Variants in RYR2 observed in about 807,000 individuals in gnomAD.
RYR2 encodes cardiac muscle ryanodine receptor-calcium release channel.
In RYR2, 227 loss-of-function variants were observed where a neutral mutation model predicts 601.1. The ratio of observed to expected loss-of-function variants is 0.38; its 90% CI spans 0.34 to 0.42. The LOEUF (loss-of-function observed/expected upper bound fraction) is 0.42. Ranked by LOEUF, RYR2 falls within the 10% of genes least tolerant of loss-of-function variation. The pLI is 1.00. For missense variants in RYR2, 4,646 were observed against 6,156.5 expected (o/e 0.75, Z 8.21); for synonymous variants, 2,223 against 2,175.1 (o/e 1.02, Z -0.61).
chr1:237,798,032 C>T lies in RYR2; in HGVS notation c.13957-5C>T. ...CCAACAAAATGCTTTTTCTCATACC[C>T]CAAGGTTATGGATAAATATGGAGAG... On this transcript the variant is annotated splice_region_variant and splice_polypyrimidine_tract_variant and intron_variant, in intron 96 of 104. Transcript: ENST00000366574. 2 of 1,607,270 alleles carry T rather than the reference C, an allele frequency of 1.2e-6. No individual in the cohort carries two copies. The highest frequency in any genetic ancestry group is 1.1e-5 in the South Asian group (1 of 89,410).
At chr1:237,373,283 T>G (rs991946920) in intron 6 of RYR2, among the ~76,000 whole-genome samples, 2 of 152,166 alleles carry the variant, frequency 1.3e-5, no homozygotes, top group African/African-American at 4.8e-5. Flanking sequence ...TGGGAGCCAT[T>G]TCTTTGTAGT....
Position 237,222,593 on chromosome 1 carries a change from G to A in RYR2, c.49-47904G>A, listed in dbSNP as rs548480158. ...TTTTTCCCTATATTTTTGATAGTAC[G>A]CTGGAAAGAAATGTCTGTCTGTCTT... On this transcript the variant is annotated intron_variant, in intron 1 of 104. Coordinates refer to ENST00000366574, the MANE Select transcript of RYR2 (RefSeq NM_001035.3). 3.7e-4 allele frequency among the ~76,000 whole-genome samples: 56 copies of A among 151,994 alleles called. No homozygotes were observed. In the South Asian group the frequency reaches 0.012, roughly 32 times the overall value.
chr1:237,400,244 G>A lies in RYR2; in HGVS notation c.773+12061G>A, dbSNP rs955311748. Among the ~76,000 whole-genome samples the A allele has an allele frequency of 5.9e-5, 9 of 152,226 alleles. No homozygotes were observed. The East Asian group carries it at 1.5e-3, about 26-fold the overall frequency. ...ACCAGAGTGATCTCAATTTTTTAAG[G>A]CATTCATAGAGACTGGACAAAGAGC... On this transcript the variant is annotated intron_variant, in intron 10 of 104. Coordinates refer to ENST00000366574, the MANE Select transcript of RYR2 (RefSeq NM_001035.3).
intron 1 of RYR2, among the ~76,000 whole-genome samples, chr1:237,125,855 T>A (rs1256282780): frequency 6.6e-6 from 1 of 152,224 alleles, no homozygotes; most frequent in African/African-American, 2.4e-5. Context: ...CAAAACTGAG[T>A]AAGTGTTGGC....
At chr1:237,622,075 C>A (rs779147320) in intron 38 of RYR2, among the ~76,000 whole-genome samples, 17 of 151,838 alleles carry the variant, frequency 1.1e-4, no homozygotes, top group Non-Finnish European at 2.2e-4. Flanking sequence ...TTATTTCTTA[C>A]AATAGCATAT....
chr1:237,546,391 T>G (rs2779379), intron 25 of RYR2, among the ~76,000 whole-genome samples: 83,577 of 151,952 alleles, frequency 0.55, 24,773 homozygotes, highest in East Asian at 0.82. Context: ...TGTTGTTGTT[T>G]TTTTGAGACA....
intron 2 of RYR2, among the ~76,000 whole-genome samples, chr1:237,276,218 G>A (rs1428994394): frequency 1.3e-5 from 2 of 152,098 alleles, no homozygotes; most frequent in East Asian, 3.9e-4. Flanking sequence ...TCCTTTCTCA[G>A]CCTCCCGAGT....
chr1:237,432,299 A>T (rs1572297006), intron 12 of RYR2, among the ~76,000 whole-genome samples: 1 of 152,142 alleles, frequency 6.6e-6, no homozygotes, highest in Admixed American at 6.6e-5. Context: ...TGCATCTCCT[A>T]ATATTTCAAA....
chr1:237,316,412 G>T (rs774486460), intron 2 of RYR2, among the ~76,000 whole-genome samples: 4 of 151,800 alleles, frequency 2.6e-5, no homozygotes, highest in African/African-American at 7.3e-5. Context: ...TTTTGAAATA[G>T]ATTCTTCCCC....
intron 1 of RYR2, among the ~76,000 whole-genome samples, chr1:237,199,304 CA>C (rs1246534917): frequency 3.3e-5 from 5 of 152,352 alleles, no homozygotes; most frequent in African/African-American, 1.2e-4. Flanking sequence ...GAAGCCCGTC[CA>C]AGTCCCAAAG....
chr1:237,381,768 A>G (rs542342051), intron 8 of RYR2, among the ~76,000 whole-genome samples: 10 of 152,286 alleles, frequency 6.6e-5, no homozygotes, highest in African/African-American at 2.4e-4. Flanking sequence ...TTGGGGCTCA[A>G]TTCTGAGGTA....
intron 17 of RYR2, among the ~76,000 whole-genome samples, chr1:237,481,127 C>CACATATATATAT (rs1662042043): frequency 6.9e-6 from 1 of 145,478 alleles, no homozygotes; most frequent in Admixed American, 6.8e-5. Context: ...TATATATATA[C>CACATATATATAT]ACACACATAT....
chr1:237,657,959 GA>G lies in RYR2; in HGVS notation c.8148del (p.Lys2716AsnfsTer41). The part of the protein sequence containing the change: ...VDTSNITIPE[K>X]LEYFINKYAE... Reference sequence around the variant, plus strand: ...TTTCTCATAGTATTACAATTCCTGAGAAATTGGAATACTTCATTAACAAATA... The same window carrying G: ...TTTCTCATAGTATTACAATTCCTGAGAATTGGAATACTTCATTAACAAATA... On this transcript the variant is annotated frameshift_variant, in exon 54 of 105. Coordinates refer to ENST00000366574, the MANE Select transcript of RYR2 (RefSeq NM_001035.3). LOFTEE classifies it high-confidence loss of function. 1 of 1,512,072 alleles carries G rather than the reference GA, an allele frequency of 6.6e-7. No homozygotes were observed. Among genetic ancestry groups the G allele is most frequent in the Non-Finnish European group, 8.9e-7 (1 of 1,126,206 alleles). The allele number at this position is 1,512,072 out of a possible 1,614,324, so 93.7% of individuals were successfully genotyped here. A position where few individuals can be genotyped will look rare whatever the true frequency, so the allele number is the denominator to read the frequency against.
intron 17 of RYR2, 36 bp from the exon 18 acceptor site, chr1:237,491,770 T>A (rs984023965): frequency 5.3e-6 from 5 of 939,774 alleles, no homozygotes; most frequent in Non-Finnish European, 8.4e-6. Flanking sequence ...CAATTAATCA[T>A]GTGTTTTTTT....
intron 1 of RYR2, among the ~76,000 whole-genome samples, chr1:237,092,854 A>G (rs1352605635): frequency 6.6e-6 from 1 of 152,168 alleles, no homozygotes; most frequent in African/African-American, 2.4e-5. Context: ...TTATTATTTC[A>G]AAATCTAATT....
At chr1:237,781,820 G>T (rs899074308) in intron 89 of RYR2, among the ~76,000 whole-genome samples, 174 bp downstream of exon 89, 2 of 152,072 alleles carry the variant, frequency 1.3e-5, no homozygotes, top group Non-Finnish European at 2.9e-5. Flanking sequence ...TTTAAAGGGA[G>T]ATCCTGCATA....
chr1:237,195,589 T>G (rs1437887682), intron 1 of RYR2, among the ~76,000 whole-genome samples: 1 of 152,198 alleles, frequency 6.6e-6, no homozygotes, highest in Non-Finnish European at 1.5e-5. Flanking sequence ...TTCTATACAT[T>G]CATTAGGAAG....
At chr1:237,058,734 C>T (rs1369557595) in intron 1 of RYR2, among the ~76,000 whole-genome samples, 2 of 151,388 alleles carry the variant, frequency 1.3e-5, no homozygotes, top group Non-Finnish European at 2.9e-5. Context: ...CTTCCTTCCT[C>T]CCCGGAGACT....
At chr1:237,820,032 C>T (rs1662277059) in intron 101 of RYR2, among the ~76,000 whole-genome samples, 1 of 151,636 alleles carries the variant, frequency 6.6e-6, no homozygotes, top group South Asian at 2.1e-4. Flanking sequence ...ACTAAAAATA[C>T]AAAAATTAGC....
Sources: gnomAD v4.1 joint callset for allele counts (sites outside exome capture counted in the v4.1 genomes callset) on GRCh38, gnomAD v4.1.1 for gene constraint, MANE v1.5 for transcripts, NCBI Gene and HGNC (gene_info 2026-07-23, HGNC 2026-07-21) for gene names.